The following IQCH variants were observed in gnomAD, a reference collection of about 807,000 sequenced individuals.
IQCH encodes the protein IQ domain-containing protein H.
A neutral mutation model predicts 117.0 loss-of-function variants in IQCH; 98 were observed. The observed-to-expected ratio is 0.84, with a 90% CI of 0.71 to 0.99. The LOEUF is 0.99. Among genes scored for constraint, IQCH ranks in the 50% least tolerant of loss-of-function variants. The probability of loss-of-function intolerance (pLI) is 0.00; values close to 1 mark genes in which losing one functional copy is unlikely to be tolerated. For synonymous variants in IQCH, 412 were observed against 448.2 expected (o/e 0.92, Z 1.02); for missense variants, 1,102 against 1,243.8 (o/e 0.89, Z 1.72).
rs1310331386 is a variant in IQCH at position 67,425,590 on chromosome 15, C to T, written c.2505+4013C>T. Among the ~76,000 whole-genome samples, 4 of 152,076 alleles carry T rather than the reference C, an allele frequency of 2.6e-5. No homozygotes were observed. The highest frequency in any genetic ancestry group is 1.9e-4 in the East Asian group (1 of 5,188). ...TCGCGCCACTGCACTCCAGCCTGGG[C>T]GACAGAGCAAGACTCTGTCTCAAAA... On this transcript the variant is annotated intron_variant, in intron 16 of 20. Transcript: ENST00000335894. This position sits in a 1 kb window ranked among gnomAD's most constrained non-coding sequence, Gnocchi z 5.5.
rs1971111130 is a variant in IQCH, at chr15:67,386,477, AATGAAAGTTTAGAAATAGTAGTTAG to A, written c.1456+1464_1456+1488del. Among the ~76,000 whole-genome samples, 1 of 152,212 alleles carries A rather than the reference AATGAAAGTTTAGAAATAGTAGTTAG, an allele frequency of 6.6e-6. No individual in the cohort carries two copies. Among genetic ancestry groups the A allele is most frequent in the African/African-American group, 2.4e-5 (1 of 41,454 alleles). On this transcript the variant is annotated intron_variant, in intron 11 of 20. Coordinates refer to ENST00000335894, the MANE Select transcript of IQCH (RefSeq NM_001031715.3). The surrounding 1 kb of genome is among the most constrained non-coding windows in gnomAD (Gnocchi z 5.0). ...ATCATAAAAAGTCTTCAAGAGGAGT[AATGAAAGTTTAGAAATAGTAGTTAG>A]ATGAAGAAAAAGTACTTTTTTGTGA...
At chr15:67,304,990 T>G (rs577006101) in intron 4 of IQCH, among the ~76,000 whole-genome samples, 117 of 152,116 alleles carry the variant, frequency 7.7e-4, no homozygotes, top group Non-Finnish European at 1.5e-3. Context: ...TCAATGCCAT[T>G]TTTGCCATTG....
At position 67,403,734 on chromosome 15, in the gene IQCH, A is replaced by G. The variant is rs1304445663; in HGVS notation, c.2097+3429A>G. 1 of 152,236 alleles carries G rather than the reference A, an allele frequency of 6.6e-6. No individual in the cohort carries two copies. The highest frequency in any genetic ancestry group is 1.5e-5 in the Non-Finnish European group (1 of 68,048). The allele number at this position is 152,236 out of a possible 1,614,324, so 9.4% of individuals were successfully genotyped here. Reference sequence around the variant, plus strand: ...TGGGTAAGCTCACCTAAGACAGTTTAGGGAGACCCAGGCAGACATTTACTG... The same window carrying G: ...TGGGTAAGCTCACCTAAGACAGTTTGGGGAGACCCAGGCAGACATTTACTG... On this transcript the variant is annotated intron_variant, in intron 14 of 20. Coordinates refer to ENST00000335894, the MANE Select transcript of IQCH (RefSeq NM_001031715.3). The surrounding 1 kb of genome is among the most constrained non-coding windows in gnomAD (Gnocchi z 4.8).
chr15:67,335,117 A>G (rs1968835477), intron 4 of IQCH, among the ~76,000 whole-genome samples: 1 of 152,134 alleles, frequency 6.6e-6, no homozygotes, highest in Admixed American at 6.5e-5. Flanking sequence ...CCTTTTCAGC[A>G]TAGTTCTTCG....
Position 67,370,927 on chromosome 15 carries a change from A to C in IQCH, c.754-1184A>C, listed in dbSNP as rs541653131. On this transcript the variant is annotated intron_variant, in intron 8 of 20. Coordinates refer to ENST00000335894, the MANE Select transcript of IQCH (RefSeq NM_001031715.3). This position sits in a 1 kb window ranked among gnomAD's most constrained non-coding sequence, Gnocchi z 5.6. ...ATAATCTGATATAGTAATACTCAAC[A>C]CAGTGCTGTGGCGTAATCATTATGG... Among the ~76,000 whole-genome samples the C allele has an allele frequency of 6.9e-6, 1 of 145,704 alleles. No individual in the cohort carries two copies. Among genetic ancestry groups the C allele is most frequent in the Admixed American group, 6.7e-5 (1 of 14,868 alleles).
At chr15:67,357,520 C>A in intron 7 of IQCH, 99 bp downstream of exon 7, 1 of 800,812 alleles carries the variant, frequency 1.2e-6, no homozygotes. Context: ...GTACCTTCAA[C>A]ATAGAAATAA....
rs1256568100 is a variant in IQCH at position 67,417,814 on chromosome 15, C to T, written c.2218+763C>T. Among the ~76,000 whole-genome samples, 2 of 152,062 alleles carry T rather than the reference C, an allele frequency of 1.3e-5. No homozygotes were observed. Among genetic ancestry groups the T allele is most frequent in the African/African-American group, 2.4e-5 (1 of 41,372 alleles). On this transcript the variant is annotated intron_variant, in intron 15 of 20. Transcript: ENST00000335894. The surrounding 1 kb of genome is among the most constrained non-coding windows in gnomAD (Gnocchi z 4.3). ...CATCTTACATGCTTACCCACATGCA[C>T]AAGAAGAAAGGGTTAGTATAACAGG...
rs1970432663 is a variant in IQCH, at chr15:67,369,116, A to T, written c.754-2995A>T. 6.6e-6 allele frequency among the ~76,000 whole-genome samples: 1 copy of T among 152,160 alleles called. No individual in the cohort carries two copies. Among genetic ancestry groups the T allele is most frequent in the Non-Finnish European group, 1.5e-5 (1 of 68,034 alleles). Reference sequence around the variant, plus strand: ...TTTTGCTTAACATCTGTGACTTACTAACATATGTAATCATCATCCTGCTTT... The same window carrying T: ...TTTTGCTTAACATCTGTGACTTACTTACATATGTAATCATCATCCTGCTTT... On this transcript the variant is annotated intron_variant, in intron 8 of 20. Coordinates refer to ENST00000335894, the MANE Select transcript of IQCH (RefSeq NM_001031715.3). This position sits in a 1 kb window ranked among gnomAD's most constrained non-coding sequence, Gnocchi z 5.2.
At chr15:67,464,122 C>T (rs1238370309) in intron 16 of IQCH, among the ~76,000 whole-genome samples, 1 of 152,206 alleles carries the variant, frequency 6.6e-6, no homozygotes, top group Admixed American at 6.5e-5. Context: ...AGCCACCGTG[C>T]CCAGCCTGTC....
At position 67,366,990 on chromosome 15, in the gene IQCH, T is replaced by C. The variant is rs1970355361; in HGVS notation, c.754-5121T>C. Among the ~76,000 whole-genome samples, 1 of 151,898 alleles carries C rather than the reference T, an allele frequency of 6.6e-6. No homozygotes were observed. Among genetic ancestry groups the C allele is most frequent in the African/African-American group, 2.4e-5 (1 of 41,340 alleles). On this transcript the variant is annotated intron_variant, in intron 8 of 20. Transcript: ENST00000335894. The surrounding 1 kb of genome is among the most constrained non-coding windows in gnomAD (Gnocchi z 4.4). ...TTGATGGCTTTACTGGCTCCAGAAG[T>C]TTATTAAAAAGCCAATACCCCTGCA...
rs1971831934 is a variant in IQCH, at chr15:67,405,028, C to T, written c.2097+4723C>T. On this transcript the variant is annotated intron_variant, in intron 14 of 20. Coordinates refer to ENST00000335894, the MANE Select transcript of IQCH (RefSeq NM_001031715.3). This position sits in a 1 kb window ranked among gnomAD's most constrained non-coding sequence, Gnocchi z 4.8. ...CCTTACCACCAATGGATATTATGAACTATTTGCACTTTTATTTTAGATATA... is the reference window on the plus strand; with the variant it reads ...CCTTACCACCAATGGATATTATGAATTATTTGCACTTTTATTTTAGATATA... 1 of 152,122 alleles carries T rather than the reference C, an allele frequency of 6.6e-6. No homozygotes were observed. The highest frequency in any genetic ancestry group is 1.5e-5 in the Non-Finnish European group (1 of 68,020). 9.4% of individuals were successfully genotyped at this position (152,122 alleles called of 1,614,324 possible).
chr15:67,499,952 G>A (rs1369871918), intron 20 of IQCH, among the ~76,000 whole-genome samples: 2 of 152,166 alleles, frequency 1.3e-5, no homozygotes, highest in African/African-American at 2.4e-5. Flanking sequence ...TGGTTGCCAG[G>A]GGCTGAGGGA....
In IQCH at chr15:67,458,657, A is replaced by G. The variant is rs1305699251; in HGVS notation, c.2506-6470A>G. Among the ~76,000 whole-genome samples, 2 of 152,244 alleles carry G rather than the reference A, an allele frequency of 1.3e-5. No individual in the cohort carries two copies. Among genetic ancestry groups the G allele is most frequent in the African/African-American group, 4.8e-5 (2 of 41,462 alleles). Reference sequence around the variant, plus strand: ...CCAAACCAGTAAAACAGAGGGAACCATGGCCTACCCATGGCTGTATTCTCT... The same window carrying G: ...CCAAACCAGTAAAACAGAGGGAACCGTGGCCTACCCATGGCTGTATTCTCT... On this transcript the variant is annotated intron_variant, in intron 16 of 20. Transcript: ENST00000335894. The surrounding 1 kb of genome is among the most constrained non-coding windows in gnomAD (Gnocchi z 4.1).
intron 10 of IQCH, among the ~76,000 whole-genome samples, chr15:67,382,924 A>G (rs1462681516): frequency 6.6e-6 from 1 of 152,226 alleles, no homozygotes; most frequent in Non-Finnish European, 1.5e-5. Flanking sequence ...TGTTATATTT[A>G]GCATGTACTA....
rs560747157 is a variant in IQCH, at chr15:67,288,284, CTGATGTTCCTT to C, written c.387+8775_387+8785del. Among the ~76,000 whole-genome samples, 246 of 152,142 alleles carry C rather than the reference CTGATGTTCCTT, an allele frequency of 1.6e-3. 9 individuals are homozygous for C. The highest frequency in any genetic ancestry group is 0.015 in the Admixed American group (234 of 15,198). On this transcript the variant is annotated intron_variant, in intron 4 of 20. Coordinates refer to ENST00000335894, the MANE Select transcript of IQCH (RefSeq NM_001031715.3). ...ATTTGATCTGTAGTGCAGATCAAGT[CTGATGTTCCTT>C]TGCTGATTTTTCTGTCTGGAAGATC...
intron 14 of IQCH, among the ~76,000 whole-genome samples, chr15:67,415,520 G>C (rs1187617362): frequency 6.6e-6 from 1 of 152,040 alleles, no homozygotes; most frequent in Admixed American, 6.6e-5. Context: ...TTTTGAACCC[G>C]CTGAGGGCAT....
Position 67,254,789 on chromosome 15 carries a change from A to C in IQCH, c.-108A>C. On this transcript the variant is annotated 5_prime_UTR_variant, in exon 1 of 21. Transcript: ENST00000335894. ...GACCCCCTTCCGCTCCCAGCGTGGA[A>C]CAGGCCAGGTCGCGCGCGGTGTTGC... is the stretch of plus-strand genomic sequence containing the variant. 7.4e-7 allele frequency: 1 copy of C among 1,356,288 alleles called. No individual in the cohort carries two copies. Among genetic ancestry groups the C allele is most frequent in the Non-Finnish European group, 1.0e-6 (1 of 967,240 alleles). The allele number at this position is 1,356,288 out of a possible 1,614,324, so 84.0% of individuals were successfully genotyped here.
Position 67,425,000 on chromosome 15 carries a change from TATC to T in IQCH, c.2505+3425_2505+3427del, listed in dbSNP as rs1293844629. Among the ~76,000 whole-genome samples the T allele has an allele frequency of 6.6e-6, 1 of 152,238 alleles. No homozygotes were observed. The highest frequency in any genetic ancestry group is 1.5e-5 in the Non-Finnish European group (1 of 68,042). On this transcript the variant is annotated intron_variant, in intron 16 of 20. Transcript: ENST00000335894. The surrounding 1 kb of genome is among the most constrained non-coding windows in gnomAD (Gnocchi z 4.9). ...CCATTGAAGCGACTGGCAGGCATAT[TATC>T]AACCTCTCATTTTTTGTCAGTCTAA...
intron 13 of IQCH, among the ~76,000 whole-genome samples, chr15:67,399,103 C>G (rs1166578859): frequency 1.3e-5 from 2 of 152,138 alleles, no homozygotes; most frequent in Non-Finnish European, 2.9e-5. Flanking sequence ...TCACCCTTCT[C>G]CACCTCTCTG....
Sources: allele counts gnomAD v4.1 joint callset (sites outside exome capture counted in the v4.1 genomes callset), GRCh38; gene constraint gnomAD v4.1.1; non-coding constraint Gnocchi (gnomAD v3.1); transcripts MANE v1.5; gene names NCBI Gene and HGNC (gene_info 2026-07-23, HGNC 2026-07-21).